PDCD6: variants seen among roughly 807,000 people sequenced by gnomAD.
PDCD6 encodes programmed cell death 6.
Under a neutral mutation model 28.3 loss-of-function variants are expected in PDCD6, and 12 were observed. That is an observed-to-expected ratio of 0.42 (90% CI 0.27 to 0.69). The LOEUF is 0.69. Ranked by LOEUF, PDCD6 falls within the 30% of genes least tolerant of loss-of-function variation. The pLI is 0.22. For missense variants in PDCD6, 226 were observed against 269.9 expected, an observed-to-expected ratio of 0.84 and a Z score of 1.14; for synonymous variants, 92 against 108.0, an observed-to-expected ratio of 0.85 and a Z score of 0.92.
chr5:290,081 C>T (rs1739226613), intron 2 of PDCD6: 2 of 1,579,770 alleles, frequency 1.3e-6, no homozygotes, highest in South Asian at 2.2e-5. Context: ...TCCTTCATTT[C>T]ATCAAAGGGA....
chr5:282,275 G>GC (rs1458324559), intron 2 of PDCD6, among the ~76,000 whole-genome samples: 3 of 104,572 alleles, frequency 2.9e-5, no homozygotes, highest in Non-Finnish European at 4.4e-5. Context: ...GAAAAATCGG[G>GC]GGGGGGGGAG....
intron 2 of PDCD6, among the ~76,000 whole-genome samples, chr5:279,396 C>T (rs546351585): frequency 3.5e-4 from 53 of 152,230 alleles, no homozygotes; most frequent in African/African-American, 1.1e-3. Flanking sequence ...ACGAGATATG[C>T]GTGCCCCAGG....
intron 2 of PDCD6, among the ~76,000 whole-genome samples, chr5:303,110 C>T (rs1408243874): frequency 1.3e-5 from 2 of 152,044 alleles, no homozygotes; most frequent in Non-Finnish European, 2.9e-5. Flanking sequence ...TAGGAGGGGA[C>T]GCACTTCAGG....
intron 2 of PDCD6, among the ~76,000 whole-genome samples, chr5:288,647 C>T (rs1363190762): frequency 6.6e-6 from 1 of 151,958 alleles, no homozygotes; most frequent in Non-Finnish European, 1.5e-5. Context: ...GTAAACAGGA[C>T]CCAGAGGAGC....
At chr5:297,955 A>G (rs1207811113) in intron 2 of PDCD6, among the ~76,000 whole-genome samples, 1 of 152,248 alleles carries the variant, frequency 6.6e-6, no homozygotes, top group Admixed American at 6.5e-5. Context: ...GATCTCAAGC[A>G]CAGGTGAATC....
chr5:279,197 A>G (rs1480914844), intron 2 of PDCD6, among the ~76,000 whole-genome samples: 2 of 138,170 alleles, frequency 1.4e-5, no homozygotes, highest in Admixed American at 1.4e-4. Context: ...TCAGTTTTTC[A>G]TTCCCCCCTA....
chr5:281,887 C>A (rs1029663946), intron 2 of PDCD6, among the ~76,000 whole-genome samples: 4 of 151,670 alleles, frequency 2.6e-5, no homozygotes, highest in African/African-American at 9.7e-5. Context: ...GGTCTTTCAG[C>A]TGAAGACTCG....
chr5:279,783 CAAAAAAAA>C (rs35224887), intron 2 of PDCD6, among the ~76,000 whole-genome samples: 12 of 75,602 alleles, frequency 1.6e-4, no homozygotes, highest in East Asian at 5.0e-4. Flanking sequence ...AAAGTAATGG[CAAAAAAAA>C]AAAAAAAAAA....
At chr5:279,118 TGAA>T (rs1028324161) in intron 2 of PDCD6, among the ~76,000 whole-genome samples, 14 of 152,170 alleles carry the variant, frequency 9.2e-5, no homozygotes, top group East Asian at 5.8e-4. Context: ...AACCCGCTGG[TGAA>T]GAAGAATTCC....
At chr5:279,414 G>A (rs1328583603) in intron 2 of PDCD6, among the ~76,000 whole-genome samples, 2 of 152,074 alleles carry the variant, frequency 1.3e-5, no homozygotes, top group African/African-American at 2.4e-5. Context: ...AGGGAACGGC[G>A]GCTCTGGCTG....
At chr5:282,787 C>T (rs1738667810) in intron 2 of PDCD6, among the ~76,000 whole-genome samples, 1 of 151,690 alleles carries the variant, frequency 6.6e-6, no homozygotes, top group East Asian at 1.9e-4. Flanking sequence ...CTTGCTGCTG[C>T]AGACCCGGAG....
chr5:306,568 T>C lies in PDCD6; in HGVS notation c.209-34T>C, dbSNP rs73033922. On this transcript the variant is annotated intron_variant, in intron 3 of 5. Coordinates refer to ENST00000264933, the MANE Select transcript of PDCD6 (RefSeq NM_013232.4). ...CCTCAAGTGAGTTTGCTGCAACTGATCTTTTGCTGCTTGACCGTTCCTCTC... is the reference window on the plus strand; with the variant it reads ...CCTCAAGTGAGTTTGCTGCAACTGACCTTTTGCTGCTTGACCGTTCCTCTC... The C allele has an allele frequency of 0.02, 31,524 of 1,607,116 alleles. 4,428 individuals carry two copies. The African/African-American group carries it at 0.33, about 17-fold the overall frequency.
At position 305,858 on chromosome 5, in the gene PDCD6, A is replaced by T. The variant is rs1740445234; in HGVS notation, c.209-744A>T. ...TCTCACATGATTTTTCATCCTGTGG[A>T]TTTTCATTTAATTGTAACATATTTC... On this transcript the variant is annotated intron_variant, in intron 3 of 5. Transcript: ENST00000264933. This position sits in a 1 kb window ranked among gnomAD's most constrained non-coding sequence, Gnocchi z 4.0. 6.6e-6 allele frequency: 1 copy of T among 152,150 alleles called. No homozygotes were observed. The allele number at this position is 152,150 out of a possible 1,614,324, so 9.4% of individuals were successfully genotyped here. A position where few individuals can be genotyped will look rare whatever the true frequency, so the allele number is the denominator to read the frequency against.
chr5:281,784 C>T (rs1284085385), intron 2 of PDCD6, among the ~76,000 whole-genome samples: 2 of 150,970 alleles, frequency 1.3e-5, no homozygotes, highest in African/African-American at 4.9e-5. Flanking sequence ...GATTGAGGGT[C>T]GTGCAGCTGG....
chr5:275,505 G>C (rs1426980068), intron 2 of PDCD6, among the ~76,000 whole-genome samples: 1 of 152,218 alleles, frequency 6.6e-6, no homozygotes, highest in African/African-American at 2.4e-5. Flanking sequence ...TTAGCTGCTA[G>C]AAAATTTAAA....
chr5:311,577 A>G (rs896467274), intron 5 of PDCD6, 175 bp downstream of exon 5: 2 of 588,138 alleles, frequency 3.4e-6, no homozygotes, highest in East Asian at 5.7e-5. Flanking sequence ...GTGGACAAAC[A>G]TGTTTTCCTC....
intron 3 of PDCD6, chr5:306,032 G>C (rs941088364): frequency 1.9e-5 from 3 of 155,686 alleles, no homozygotes; most frequent in Non-Finnish European, 4.3e-5. Flanking sequence ...TATAAAGGTA[G>C]TTATAGATTC....
At chr5:302,830 G>A (rs866632704) in intron 2 of PDCD6, among the ~76,000 whole-genome samples, 133 of 147,602 alleles carry the variant, frequency 9.0e-4, no homozygotes, top group African/African-American at 3.3e-3. Context: ...GCCTTTGTGG[G>A]GAGAGCACAG....
At position 314,673 on chromosome 5, in the gene PDCD6, A is replaced by G. The variant is rs1418353761; in HGVS notation, c.*158A>G. 3 of 697,740 alleles carry G rather than the reference A, an allele frequency of 4.3e-6. No individual in the cohort carries two copies. Among genetic ancestry groups the G allele is most frequent in the South Asian group, 3.0e-5 (2 of 66,798 alleles). 43.2% of individuals were successfully genotyped at this position (697,740 alleles called of 1,614,324 possible). ...TGTACATATGTGGATAAGCTGATTAATGGTTTTGCAACTGTAATAGTAGCT... is the reference window on the plus strand; with the variant it reads ...TGTACATATGTGGATAAGCTGATTAGTGGTTTTGCAACTGTAATAGTAGCT... On this transcript the variant is annotated 3_prime_UTR_variant, in exon 6 of 6. Coordinates refer to ENST00000264933, the MANE Select transcript of PDCD6 (RefSeq NM_013232.4).
Sources: gnomAD v4.1 joint callset for allele counts (sites outside exome capture counted in the v4.1 genomes callset) on GRCh38, gnomAD v4.1.1 for gene constraint, Gnocchi (gnomAD v3.1) non-coding constraint, MANE v1.5 for transcripts, NCBI Gene and HGNC (gene_info 2026-07-23, HGNC 2026-07-21) for gene names.